The following C12orf42 variants were observed in gnomAD, a reference collection of about 807,000 sequenced individuals.
C12orf42 encodes the protein chromosome 12 open reading frame 42, also known as uncharacterized protein C12orf42.
C12orf42 carries 25 observed loss-of-function variants against 21.6 expected under a neutral mutation model. The ratio of observed to expected loss-of-function variants is 1.16; its 90% CI spans 0.84 to 1.62. C12orf42 has a LOEUF of 1.62. Ranked by LOEUF, C12orf42 falls within the 40% of genes most tolerant of loss-of-function variation. The pLI, the probability that C12orf42 is intolerant of heterozygous loss-of-function variation, is 0.00. For synonymous variants in C12orf42, 174 were observed against 175.0 expected (o/e 0.99, Z 0.05); for missense variants, 483 against 459.3 (o/e 1.05, Z -0.47).
chr12:103,095,589 C>T, the C12orf42 span, among the ~76,000 whole-genome samples: 1 of 152,202 alleles, frequency 6.6e-6, no homozygotes, highest in South Asian at 2.1e-4. Context: ...TCATTCCCTA[C>T]AATGCATTGC....
At chr12:103,448,677 T>C (rs1425147063) in intron 2 of C12orf42, among the ~76,000 whole-genome samples, 1 of 151,690 alleles carries the variant, frequency 6.6e-6, no homozygotes, top group Admixed American at 6.6e-5. Flanking sequence ...AACAAGCATA[T>C]AGAAAAATGC....
chr12:103,063,938 G>A, the C12orf42 span, among the ~76,000 whole-genome samples: 4,236 of 152,238 alleles, frequency 0.028, 90 homozygotes, highest in Non-Finnish European at 0.047. Context: ...ATTTAATGTT[G>A]TAGCTCAGGG....
chr12:103,420,862 C>T (rs528235948), intron 2 of C12orf42, among the ~76,000 whole-genome samples: 2 of 152,304 alleles, frequency 1.3e-5, no homozygotes, highest in African/African-American at 4.8e-5. Flanking sequence ...TTGACACGAC[C>T]ATTGGATTAT....
the C12orf42 span, among the ~76,000 whole-genome samples, chr12:103,126,303 G>A: frequency 6.6e-6 from 1 of 152,204 alleles, no homozygotes; most frequent in Non-Finnish European, 1.5e-5. Flanking sequence ...CACCAGGAAA[G>A]CTGACAGCTC....
At chr12:103,237,977 A>G (rs1314111242) in intron 10 of C12orf42, 1 of 152,202 alleles carries the variant, frequency 6.6e-6, no homozygotes, top group Non-Finnish European at 1.5e-5. Context: ...CAATGAATGT[A>G]GATATAGGGA....
chr12:103,143,898 T>C, the C12orf42 span, among the ~76,000 whole-genome samples: 1 of 152,222 alleles, frequency 6.6e-6, no homozygotes, highest in African/African-American at 2.4e-5. Context: ...GTCTCAGCTT[T>C]CCCATTTGCA....
At chr12:103,090,329 C>A in the C12orf42 span, among the ~76,000 whole-genome samples, 4 of 152,072 alleles carry the variant, frequency 2.6e-5, no homozygotes, top group African/African-American at 9.7e-5. Flanking sequence ...GCACAGTCAC[C>A]ACCGAATTAA....
At chr12:103,301,350 A>G (rs1053616387), downstream of C12orf42, among the ~76,000 whole-genome samples, 5 of 152,308 alleles carry the variant, frequency 3.3e-5, no homozygotes, top group Admixed American at 2.6e-4. Flanking sequence ...AAACCCTACT[A>G]TATTAAAAAG....
intron 2 of C12orf42, among the ~76,000 whole-genome samples, chr12:103,474,071 C>T (rs1358735325): frequency 6.6e-6 from 1 of 152,238 alleles, no homozygotes; most frequent in Non-Finnish European, 1.5e-5. Context: ...CACCCCATCC[C>T]ATGGTGGTTT....
At chr12:103,177,880 C>T in the C12orf42 span, among the ~76,000 whole-genome samples, 6 of 151,610 alleles carry the variant, frequency 4.0e-5, no homozygotes, top group East Asian at 1.9e-4. Context: ...TGTGTGCGCG[C>T]GCGCTAACAG....
At chr12:103,459,194 G>T (rs180845854) in intron 2 of C12orf42, among the ~76,000 whole-genome samples, 1 of 152,112 alleles carries the variant, frequency 6.6e-6, no homozygotes, top group Non-Finnish European at 1.5e-5. Flanking sequence ...ACTTGGCCAC[G>T]GGCTGAGAGC....
intron 1 of C12orf42, among the ~76,000 whole-genome samples, chr12:103,495,604 G>C (rs1327433172): frequency 6.6e-6 from 1 of 151,930 alleles, no homozygotes; most frequent in Admixed American, 6.5e-5. Context: ...CGGGGCAACG[G>C]GGGGCGGGGG....
chr12:103,265,674 C>A (rs1238400072), downstream of C12orf42, among the ~76,000 whole-genome samples: 1 of 152,044 alleles, frequency 6.6e-6, no homozygotes, highest in Non-Finnish European at 1.5e-5. Flanking sequence ...CCAAGGACTT[C>A]TAGAAACAGA....
At chr12:103,146,802 T>C in the C12orf42 span, among the ~76,000 whole-genome samples, 1 of 152,160 alleles carries the variant, frequency 6.6e-6, no homozygotes, top group Admixed American at 6.5e-5. Context: ...GCTAGCACAT[T>C]TTTCCCCAAA....
chr12:103,067,011 C>T, the C12orf42 span, among the ~76,000 whole-genome samples: 3 of 152,234 alleles, frequency 2.0e-5, no homozygotes, highest in Non-Finnish European at 4.4e-5. Flanking sequence ...CTTCCGCTCA[C>T]TAAGGCTGAC....
At chr12:103,054,009 C>T in the C12orf42 span, among the ~76,000 whole-genome samples, 1 of 151,866 alleles carries the variant, frequency 6.6e-6, no homozygotes, top group Non-Finnish European at 1.5e-5. Context: ...GTAATGCCTT[C>T]CAATCCAAAA....
At chr12:103,309,434 T>C (rs112616466) in intron 4 of C12orf42, among the ~76,000 whole-genome samples, 2,249 of 152,350 alleles carry the variant, frequency 0.015, 20 homozygotes, top group South Asian at 0.043. Context: ...ATAATACAAA[T>C]AACATACAAA....
chr12:103,397,652 T>A (rs1327767213), intron 3 of C12orf42: 1 of 152,216 alleles, frequency 6.6e-6, no homozygotes, highest in Non-Finnish European at 1.5e-5. Context: ...TGGGGACAAC[T>A]GCTTTATGTG....
At chr12:103,068,956 T>C in the C12orf42 span, among the ~76,000 whole-genome samples, 1 of 84,838 alleles carries the variant, frequency 1.2e-5, no homozygotes, top group South Asian at 3.8e-4. Context: ...TATATATATA[T>C]ATATATATAT....
Sources: allele counts gnomAD v4.1 joint callset (sites outside exome capture counted in the v4.1 genomes callset), GRCh38; gene constraint gnomAD v4.1.1; transcripts MANE v1.5; gene names NCBI Gene and HGNC (gene_info 2026-07-23, HGNC 2026-07-21).